The following MTMR3 variants were observed in gnomAD, a reference collection of about 807,000 sequenced individuals.
The protein encoded by MTMR3 is phosphatidylinositol-3,5-bisphosphate 3-phosphatase MTMR3.
A neutral mutation model predicts 132.4 loss-of-function variants in MTMR3; 32 were observed. That is an observed-to-expected ratio of 0.24 (90% CI 0.18 to 0.32). The LOEUF is 0.32. MTMR3 is among the 10% of genes least tolerant of loss of function. The pLI is 1.00. For synonymous variants in MTMR3, 556 were observed against 550.3 expected, an observed-to-expected ratio of 1.01 and a Z score of -0.14; for missense variants, 1,216 against 1,489.6, an observed-to-expected ratio of 0.82 and a Z score of 3.02.
intron 1 of MTMR3, among the ~76,000 whole-genome samples, chr22:29,884,008 A>G (rs575502871): frequency 6.6e-6 from 1 of 152,306 alleles, no homozygotes; most frequent in Non-Finnish European, 1.5e-5. Flanking sequence ...ATTTTGCTTG[A>G]TGTATGGCAT....
chr22:29,919,222 A>G (rs1012012225), intron 1 of MTMR3, among the ~76,000 whole-genome samples: 4 of 152,150 alleles, frequency 2.6e-5, no homozygotes, highest in African/African-American at 9.7e-5. Flanking sequence ...TCTGGGGGAA[A>G]AAGTTTTCTC....
intron 1 of MTMR3, among the ~76,000 whole-genome samples, chr22:29,932,314 C>T (rs567011000): frequency 4.8e-4 from 73 of 152,202 alleles, no homozygotes; most frequent in Admixed American, 3.3e-4. Context: ...TCCATCCTTT[C>T]TTAGGCACTA....
At chr22:29,908,118 C>T (rs925222417) in intron 1 of MTMR3, among the ~76,000 whole-genome samples, 3 of 152,066 alleles carry the variant, frequency 2.0e-5, no homozygotes, top group African/African-American at 7.2e-5. Flanking sequence ...TTTTTCCTAA[C>T]AACCTTGTAA....
intron 1 of MTMR3, among the ~76,000 whole-genome samples, chr22:29,896,642 A>G (rs1399364996): frequency 6.6e-6 from 1 of 152,130 alleles, no homozygotes; most frequent in Non-Finnish European, 1.5e-5. Flanking sequence ...CTTTTTGTCT[A>G]ACATAATTTC....
chr22:29,973,681 C>T (rs1655228951), intron 3 of MTMR3, among the ~76,000 whole-genome samples: 1 of 152,112 alleles, frequency 6.6e-6, no homozygotes, highest in South Asian at 2.1e-4. Context: ...CTCACTGCAA[C>T]CTCCGCCTCC....
intron 17 of MTMR3, 49 bp from the exon 18 acceptor site, chr22:30,021,980 T>C (rs1442281004): frequency 1.4e-6 from 2 of 1,469,692 alleles, no homozygotes; most frequent in African/African-American, 2.8e-5. Context: ...TTTCTTCTTT[T>C]GGGAGGAGAC....
At chr22:29,889,082 T>C (rs1241770907) in intron 1 of MTMR3, among the ~76,000 whole-genome samples, 1 of 152,098 alleles carries the variant, frequency 6.6e-6, no homozygotes, top group Non-Finnish European at 1.5e-5. Context: ...GAAATAGGGT[T>C]GTTATTTATT....
intron 6 of MTMR3, chr22:29,989,144 G>A (rs1442747953): frequency 1.3e-5 from 2 of 152,164 alleles, no homozygotes; most frequent in East Asian, 1.9e-4. Flanking sequence ...ATCTCATTCA[G>A]TACAGGATCC....
At chr22:29,935,868 T>G (rs1216736493) in intron 1 of MTMR3, among the ~76,000 whole-genome samples, 1 of 151,268 alleles carries the variant, frequency 6.6e-6, no homozygotes, top group Admixed American at 6.6e-5. Flanking sequence ...TTCTCCTGCC[T>G]CAGCCTCCCG....
At chr22:29,905,085 T>C (rs1357066486) in intron 1 of MTMR3, among the ~76,000 whole-genome samples, 5 of 152,172 alleles carry the variant, frequency 3.3e-5, no homozygotes, top group Admixed American at 1.3e-4. Context: ...CATACATTTT[T>C]CATTTTTAGT....
chr22:29,907,301 C>T (rs1364225946), intron 1 of MTMR3, among the ~76,000 whole-genome samples: 3 of 151,542 alleles, frequency 2.0e-5, no homozygotes, highest in African/African-American at 7.3e-5. Flanking sequence ...ACTTGGGAGG[C>T]TGAGGCAGGA....
At chr22:29,903,390 C>CTTTCTT (rs2065037225) in intron 1 of MTMR3, among the ~76,000 whole-genome samples, 3 of 119,710 alleles carry the variant, frequency 2.5e-5, no homozygotes, top group Non-Finnish European at 5.0e-5. Context: ...CTTTTTCTTT[C>CTTTCTT]TTTTTTTTTT....
At chr22:30,002,842 AT>A (rs1569044448) in intron 8 of MTMR3, 37 bp from the exon 9 acceptor site, 16 of 1,499,668 alleles carry the variant, frequency 1.1e-5, no homozygotes, top group Non-Finnish European at 1.5e-5. Context: ...TCCCTCTCTT[AT>A]CCCCTTGACT....
chr22:29,979,460 C>G (rs1424428355), intron 5 of MTMR3: 2 of 228,362 alleles, frequency 8.8e-6, no homozygotes, highest in African/African-American at 2.4e-5. Flanking sequence ...CCACTGCACT[C>G]CAGCCTGGGT....
chr22:29,927,565 T>A (rs1190279082), intron 1 of MTMR3, among the ~76,000 whole-genome samples: 1 of 152,228 alleles, frequency 6.6e-6, no homozygotes, highest in African/African-American at 2.4e-5. Flanking sequence ...CTTGTTTTTT[T>A]ATTTTAATTT....
intron 2 of MTMR3, among the ~76,000 whole-genome samples, chr22:29,965,736 G>GTATA (rs748002481): frequency 6.6e-6 from 1 of 151,876 alleles, no homozygotes; most frequent in African/African-American, 2.4e-5. Context: ...GATAGCTTAT[G>GTATA]TATATATATA....
At chr22:29,949,129 ACACACACACACACACCCC>A (rs1569019554) in intron 1 of MTMR3, among the ~76,000 whole-genome samples, 11 of 30,510 alleles carry the variant, frequency 3.6e-4, no homozygotes, top group African/African-American at 1.1e-3. Context: ...ACACACACAC[ACACACACACACACACCCC>A]CCCCCCCCCC....
intron 2 of MTMR3, among the ~76,000 whole-genome samples, chr22:29,958,450 T>C (rs1447723892): frequency 6.6e-6 from 1 of 152,162 alleles, no homozygotes; most frequent in Non-Finnish European, 1.5e-5. Flanking sequence ...TGTCACCTGT[T>C]TTCTCTGTGT....
intron 17 of MTMR3, 43 bp downstream of exon 17, chr22:30,020,927 G>T (rs769878873): frequency 1.7e-5 from 26 of 1,511,988 alleles, no homozygotes; most frequent in East Asian, 2.4e-5. Context: ...CCAAGGAGAC[G>T]GCATGCTGAG....
Sources: gnomAD v4.1 joint callset for allele counts (sites outside exome capture counted in the v4.1 genomes callset) on GRCh38, gnomAD v4.1.1 for gene constraint, MANE v1.5 for transcripts, NCBI Gene and HGNC (gene_info 2026-07-23, HGNC 2026-07-21) for gene names.